Variants in RYR3 observed in about 807,000 individuals in gnomAD.
RYR3 encodes ryanodine receptor 3.
In RYR3, 207 loss-of-function variants were observed where a neutral mutation model predicts 584.3. The ratio of observed to expected loss-of-function variants is 0.35; its 90% CI spans 0.32 to 0.40. RYR3 has a LOEUF of 0.40. Ranked by LOEUF, RYR3 falls within the 10% of genes least tolerant of loss-of-function variation. The pLI is 1.00. For missense variants in RYR3, 5,616 were observed against 6,089.2 expected, an observed-to-expected ratio of 0.92 and a Z score of 2.59; for synonymous variants, 2,416 against 2,248.5, an observed-to-expected ratio of 1.07 and a Z score of -2.11.
chr15:33,689,111 C>G (rs2065226059), intron 38 of RYR3, among the ~76,000 whole-genome samples: 1 of 151,414 alleles, frequency 6.6e-6, no homozygotes, highest in Admixed American at 6.6e-5. Context: ...TCCCAGCAAA[C>G]TATCACAAGG....
intron 43 of RYR3, among the ~76,000 whole-genome samples, chr15:33,719,090 T>A (rs1020145683): frequency 6.6e-6 from 1 of 152,216 alleles, no homozygotes; most frequent in Admixed American, 6.5e-5. Flanking sequence ...CCTCTTTGCC[T>A]TGGGAAGCCT....
intron 1 of RYR3, among the ~76,000 whole-genome samples, chr15:33,381,170 T>C (rs2041162409): frequency 6.6e-6 from 1 of 152,142 alleles, no homozygotes; most frequent in Non-Finnish European, 1.5e-5. Context: ...TTTGCTATCA[T>C]CTGGTTCCGC....
chr15:33,460,740 T>C (rs1242605178), intron 1 of RYR3, among the ~76,000 whole-genome samples: 1 of 152,214 alleles, frequency 6.6e-6, no homozygotes, highest in South Asian at 2.1e-4. Flanking sequence ...ATGGGCATAA[T>C]GACAGCTATC....
At chr15:33,517,442 A>G (rs1567427250) in intron 3 of RYR3, among the ~76,000 whole-genome samples, 1 of 152,268 alleles carries the variant, frequency 6.6e-6, no homozygotes, top group Non-Finnish European at 1.5e-5. Context: ...CTAAATGTAC[A>G]TTACAATGAC....
At position 33,692,263 on chromosome 15, in the gene RYR3, G is replaced by A. The variant is rs921231161; in HGVS notation, c.5861-3955G>A. 5.9e-5 allele frequency among the ~76,000 whole-genome samples: 9 copies of A among 152,196 alleles called. No homozygotes were observed. In the East Asian group the frequency reaches 1.7e-3, roughly 29 times the overall value. On this transcript the variant is annotated intron_variant, in intron 38 of 103. Coordinates refer to ENST00000634891, the MANE Select transcript of RYR3 (RefSeq NM_001036.6). ...AATCTGAAGAATTTTTAGTAGCATTGCTTGCTAGGGGTATAAAGCTCCATT... is the reference window on the plus strand; with the variant it reads ...AATCTGAAGAATTTTTAGTAGCATTACTTGCTAGGGGTATAAAGCTCCATT...
At chr15:33,431,501 A>T (rs1017976266) in intron 1 of RYR3, among the ~76,000 whole-genome samples, 1 of 152,146 alleles carries the variant, frequency 6.6e-6, no homozygotes, top group African/African-American at 2.4e-5. Flanking sequence ...AGTGGCTCAC[A>T]CCTATAAACC....
At chr15:33,485,721 G>A (rs892721948) in intron 2 of RYR3, among the ~76,000 whole-genome samples, 4 of 152,182 alleles carry the variant, frequency 2.6e-5, no homozygotes, top group African/African-American at 9.7e-5. Flanking sequence ...AATTTTTAGT[G>A]CTACGCATTT....
intron 1 of RYR3, among the ~76,000 whole-genome samples, chr15:33,416,350 A>G (rs961894414): frequency 1.3e-5 from 2 of 152,080 alleles, no homozygotes; most frequent in East Asian, 1.9e-4. Context: ...TTTCTCTACA[A>G]CCTTGCCAGT....
At chr15:33,320,302 G>C (rs961504113) in intron 1 of RYR3, among the ~76,000 whole-genome samples, 1 of 152,152 alleles carries the variant, frequency 6.6e-6, no homozygotes, top group Non-Finnish European at 1.5e-5. Context: ...TAAATGATAG[G>C]CTTTATCATC....
chr15:33,848,534 A>G (rs2278314), intron 94 of RYR3, 113 bp downstream of exon 94: 1,174,499 of 1,283,614 alleles, frequency 0.91, 538,604 homozygotes, highest in Non-Finnish European at 0.93. Flanking sequence ...TTTGATTTCT[A>G]GGACTTTTCT....
intron 18 of RYR3, among the ~76,000 whole-genome samples, chr15:33,611,600 C>G (rs1018865996): frequency 6.6e-6 from 1 of 151,542 alleles, no homozygotes; most frequent in African/African-American, 2.4e-5. Flanking sequence ...ATATATATAA[C>G]TCCATCAAAA....
rs1050361146 is a variant in RYR3, at chr15:33,708,699, G to A, written c.6619+1645G>A. 3.9e-5 allele frequency among the ~76,000 whole-genome samples: 6 copies of A among 152,268 alleles called. No homozygotes were observed. The South Asian group carries it at 6.2e-4, about 16-fold the overall frequency. On this transcript the variant is annotated intron_variant, in intron 43 of 103. Transcript: ENST00000634891. ...AAGTTTCGGTGCCACAAAAGAAATAGCACTTGAATATAAAATTTTCTTTTT... is the reference window on the plus strand; with the variant it reads ...AAGTTTCGGTGCCACAAAAGAAATAACACTTGAATATAAAATTTTCTTTTT...
intron 40 of RYR3, among the ~76,000 whole-genome samples, chr15:33,698,588 C>T (rs1032440897): frequency 2.0e-5 from 3 of 149,498 alleles, no homozygotes; most frequent in Non-Finnish European, 4.4e-5. Context: ...GGCAGTAGAT[C>T]GGGTATGGCT....
intron 1 of RYR3, among the ~76,000 whole-genome samples, chr15:33,418,214 C>A (rs2043965259): frequency 6.6e-6 from 1 of 151,818 alleles, no homozygotes; most frequent in African/African-American, 2.4e-5. Flanking sequence ...GAGAGGAGTC[C>A]CTCTTCCTCG....
intron 97 of RYR3, 151 bp from the exon 98 acceptor site, chr15:33,854,615 G>A: frequency 9.0e-7 from 1 of 1,107,210 alleles, no homozygotes; most frequent in Non-Finnish European, 1.3e-6. Flanking sequence ...GGTAGATGGG[G>A]CTCACTTAGC....
At chr15:33,463,214 C>G (rs1403974054) in intron 1 of RYR3, among the ~76,000 whole-genome samples, 1 of 151,860 alleles carries the variant, frequency 6.6e-6, no homozygotes, top group Non-Finnish European at 1.5e-5. Flanking sequence ...GAGACCAAAA[C>G]TTTCCTGCCA....
chr15:33,384,842 C>G (rs1039946928), intron 1 of RYR3, among the ~76,000 whole-genome samples: 1 of 152,064 alleles, frequency 6.6e-6, no homozygotes, highest in Non-Finnish European at 1.5e-5. Context: ...TTAACATGCC[C>G]CCCACCTGAA....
At chr15:33,319,986 C>T (rs1462884115) in intron 1 of RYR3, among the ~76,000 whole-genome samples, 2 of 152,090 alleles carry the variant, frequency 1.3e-5, no homozygotes, top group Admixed American at 6.5e-5. Flanking sequence ...GTAAATCAGG[C>T]TTTATTTGCA....
At chr15:33,767,926 G>C (rs535117205) in intron 60 of RYR3, among the ~76,000 whole-genome samples, 1 of 152,166 alleles carries the variant, frequency 6.6e-6, no homozygotes, top group South Asian at 2.1e-4. Context: ...ACATCACAAG[G>C]CCCTCATTAG....
Sources: allele counts gnomAD v4.1 joint callset (sites outside exome capture counted in the v4.1 genomes callset), GRCh38; gene constraint gnomAD v4.1.1; transcripts MANE v1.5; gene names NCBI Gene and HGNC (gene_info 2026-07-23, HGNC 2026-07-21).